The following MEIS2 variants were observed in gnomAD, a reference collection of about 807,000 sequenced individuals.
MEIS2 encodes Meis homeobox 2.
In MEIS2, 9 loss-of-function variants were observed where a neutral mutation model predicts 58.6. The observed-to-expected ratio is 0.15, with a 90% CI of 0.09 to 0.27. The LOEUF is 0.27. Ranked by LOEUF, MEIS2 falls within the 10% of genes least tolerant of loss-of-function variation. MEIS2 has a pLI of 1.00. For synonymous variants in MEIS2, 221 were observed against 228.4 expected (o/e 0.97, Z 0.29); for missense variants, 427 against 635.0 (o/e 0.67, Z 3.52).
At chr15:37,060,079 C>T (rs758565702) in intron 7 of MEIS2, among the ~76,000 whole-genome samples, 4 of 152,104 alleles carry the variant, frequency 2.6e-5, no homozygotes, top group Non-Finnish European at 4.4e-5. Flanking sequence ...ACTAGGGCTA[C>T]AGGTGCATGC....
At chr15:37,025,719 A>G (rs1040671303) in intron 8 of MEIS2, among the ~76,000 whole-genome samples, 2 of 151,456 alleles carry the variant, frequency 1.3e-5, no homozygotes, top group African/African-American at 4.9e-5. Context: ...AGGACCAAAG[A>G]GCATGAAATC....
chr15:37,074,189 T>C (rs1339349530), intron 7 of MEIS2, among the ~76,000 whole-genome samples: 1 of 151,990 alleles, frequency 6.6e-6, no homozygotes, highest in Non-Finnish European at 1.5e-5. Context: ...ACACGCCTCA[T>C]ATTTTAGCAG....
intron 8 of MEIS2, among the ~76,000 whole-genome samples, chr15:36,995,404 T>C (rs1019740807): frequency 2.6e-5 from 4 of 152,124 alleles, no homozygotes; most frequent in Admixed American, 1.3e-4. Flanking sequence ...AACTTTTACT[T>C]TCTCCAGTAC....
chr15:37,033,177 G>A lies in MEIS2; in HGVS notation c.900+3637C>T, dbSNP rs950098889. Among the ~76,000 whole-genome samples, 10 of 152,072 alleles carry A rather than the reference G, an allele frequency of 6.6e-5. 1 individual carries two copies. The highest frequency in any genetic ancestry group is 6.3e-3 in the Middle Eastern group (2 of 316). On this transcript the variant is annotated intron_variant, in intron 8 of 11. Transcript: ENST00000561208. The stretch of plus-strand genomic sequence containing the variant: ...GGGCCTTTTGAGGTATTCAGAATAG[G>A]TGACAATAGCTTGCAGTTGAGAACA...
At chr15:36,996,388 G>A (rs974806995) in intron 8 of MEIS2, among the ~76,000 whole-genome samples, 1 of 152,076 alleles carries the variant, frequency 6.6e-6, no homozygotes, top group African/African-American at 2.4e-5. Flanking sequence ...TTGCAGAGCT[G>A]CCACTAGTCA....
chr15:37,070,580 T>C (rs1176744561), intron 7 of MEIS2, among the ~76,000 whole-genome samples: 1 of 152,314 alleles, frequency 6.6e-6, no homozygotes, highest in East Asian at 1.9e-4. Context: ...CAGCTTTCAA[T>C]CTATTTAACC....
At chr15:37,052,725 C>T (rs1385073684) in intron 7 of MEIS2, among the ~76,000 whole-genome samples, 2 of 152,210 alleles carry the variant, frequency 1.3e-5, no homozygotes, top group African/African-American at 4.8e-5. Context: ...ATTCGAAAGA[C>T]CCATTCACAT....
rs1450440945 is a variant in MEIS2 at position 36,972,356 on chromosome 15, C to T, written c.901-21956G>A. On this transcript the variant is annotated intron_variant, in intron 8 of 11. Coordinates refer to ENST00000561208, the MANE Select transcript of MEIS2 (RefSeq NM_170675.5). ...CAGAATGGAGCCAGAGTGATCCCTG[C>T]AAAGGACCCGTGTGATTTTGTCACT... Among the ~76,000 whole-genome samples, 8 of 152,246 alleles carry T rather than the reference C, an allele frequency of 5.3e-5. No individual in the cohort carries two copies. The East Asian group carries it at 1.5e-3, about 29-fold the overall frequency.
intron 8 of MEIS2, among the ~76,000 whole-genome samples, chr15:36,962,219 G>A (rs1453209844): frequency 6.6e-6 from 1 of 152,144 alleles, no homozygotes; most frequent in African/African-American, 2.4e-5. Flanking sequence ...TGTGGCTTTC[G>A]CAGAAGAACT....
intron 9 of MEIS2, among the ~76,000 whole-genome samples, chr15:36,940,523 G>A (rs1178843486): frequency 6.6e-6 from 1 of 152,144 alleles, no homozygotes; most frequent in African/African-American, 2.4e-5. Flanking sequence ...GTGAACTCCA[G>A]TGTTTCTCTT....
chr15:36,892,583 T>C, intron 11 of MEIS2, 124 bp from the exon 12 acceptor site: 1 of 854,828 alleles, frequency 1.2e-6, no homozygotes, highest in Non-Finnish European at 1.8e-6. Context: ...TACCTAAATT[T>C]AGCTGCAGAT....
rs2055798886 is a variant in MEIS2 at position 36,890,324 on chromosome 15, T to A, written c.*1849A>T. ...GTGCAGTATCAATAAGCTAATGGTATAGATTTCCAGGAATGTTGCATAAAA... is the reference window on the plus strand; with the variant it reads ...GTGCAGTATCAATAAGCTAATGGTAAAGATTTCCAGGAATGTTGCATAAAA... On this transcript the variant is annotated 3_prime_UTR_variant, in exon 12 of 12. Coordinates refer to ENST00000561208, the MANE Select transcript of MEIS2 (RefSeq NM_170675.5). The A allele has an allele frequency of 6.6e-6, 1 of 152,216 alleles. No individual in the cohort carries two copies. The highest frequency in any genetic ancestry group is 1.5e-5 in the Non-Finnish European group (1 of 68,022). The allele number at this position is 152,216 out of a possible 1,614,324, so 9.4% of individuals were successfully genotyped here.
At chr15:36,980,787 T>G (rs151321668) in intron 8 of MEIS2, among the ~76,000 whole-genome samples, 40 of 152,338 alleles carry the variant, frequency 2.6e-4, no homozygotes, top group Middle Eastern at 3.4e-3. Context: ...AATGTCATCT[T>G]TATTTTCAAA....
rs138896448 is a variant in MEIS2, at chr15:36,985,663, C to T, written c.901-35263G>A. ...GGATTGTATTTATTAGAATGCCCTG[C>T]ACCACTGTTAACATCCCCCTACTTT... On this transcript the variant is annotated intron_variant, in intron 8 of 11. Coordinates refer to ENST00000561208, the MANE Select transcript of MEIS2 (RefSeq NM_170675.5). Among the ~76,000 whole-genome samples, 385 of 152,306 alleles carry T rather than the reference C, an allele frequency of 2.5e-3. 2 individuals are homozygous for T. Among genetic ancestry groups the T allele is most frequent in the African/African-American group, 8.8e-3 (367 of 41,560 alleles).
chr15:36,991,719 C>T (rs2060282882), intron 8 of MEIS2, among the ~76,000 whole-genome samples: 1 of 147,250 alleles, frequency 6.8e-6, no homozygotes, highest in South Asian at 2.1e-4. Context: ...AGCTATCAGG[C>T]TACACTCTTT....
chr15:36,966,745 G>A (rs2059371995), intron 8 of MEIS2, among the ~76,000 whole-genome samples: 1 of 152,090 alleles, frequency 6.6e-6, no homozygotes, highest in Non-Finnish European at 1.5e-5. Context: ...TCTCTCTGGG[G>A]GTAACAAACT....
intron 9 of MEIS2, among the ~76,000 whole-genome samples, chr15:36,943,015 T>C (rs1188601844): frequency 6.6e-6 from 1 of 152,188 alleles, no homozygotes; most frequent in Non-Finnish European, 1.5e-5. Flanking sequence ...AGAGGGTAAT[T>C]TGAAAATTCC....
At chr15:37,019,745 C>G (rs895197959) in intron 8 of MEIS2, among the ~76,000 whole-genome samples, 7 of 152,132 alleles carry the variant, frequency 4.6e-5, no homozygotes, top group Non-Finnish European at 1.0e-4. Context: ...TAGGTGCTGC[C>G]AGGTTCATTC....
In MEIS2 at chr15:37,099,739, C is replaced by G; in HGVS notation, c.-273G>C. On this transcript the variant is annotated 5_prime_UTR_variant, in exon 1 of 12. Transcript: ENST00000561208. The stretch of plus-strand genomic sequence containing the variant: ...CTCCTCCTCCACCTCCTCCTCCTCC[C>G]CCCTCCCCTCCTCCTCCTCTTCGGT... 1 of 404,362 alleles carries G rather than the reference C, an allele frequency of 2.5e-6. No homozygotes were observed. Among genetic ancestry groups the G allele is most frequent in the South Asian group, 5.7e-5 (1 of 17,682 alleles). 25.0% of individuals were successfully genotyped at this position (404,362 alleles called of 1,614,324 possible).
Sources: allele counts gnomAD v4.1 joint callset (sites outside exome capture counted in the v4.1 genomes callset), GRCh38; gene constraint gnomAD v4.1.1; transcripts MANE v1.5; gene names NCBI Gene and HGNC (gene_info 2026-07-23, HGNC 2026-07-21).